The following SLC9A3 variants were observed in gnomAD, a reference collection of about 807,000 sequenced individuals.
The protein encoded by SLC9A3 is sodium/hydrogen exchanger 3.
In SLC9A3, 37 loss-of-function variants were observed where a neutral mutation model predicts 86.8. That is an observed-to-expected ratio of 0.43 (90% confidence interval 0.33 to 0.56). SLC9A3 has a LOEUF of 0.56. Ranked by LOEUF, SLC9A3 falls within the 20% of genes least tolerant of loss-of-function variation. The probability of loss-of-function intolerance (pLI) is 0.06; values close to 1 mark genes in which losing one functional copy is unlikely to be tolerated. For synonymous variants in SLC9A3, 581 were observed against 528.3 expected (o/e 1.10, Z -1.37); for missense variants, 1,011 against 1,171.9 (o/e 0.86, Z 2.00).
Position 524,229 on chromosome 5 carries a change from G to T in SLC9A3, c.94C>A (p.Pro32Thr), listed in dbSNP as rs1165460854. The T allele has an allele frequency of 5.3e-6, 8 of 1,500,784 alleles. No homozygotes were observed. The highest frequency in any genetic ancestry group is 7.1e-6 in the Non-Finnish European group (8 of 1,124,862). The allele number at this position is 1,500,784 out of a possible 1,614,324, so 93.0% of individuals were successfully genotyped here. A position where few individuals can be genotyped will look rare whatever the true frequency, so the allele number is the denominator to read the frequency against. Reference sequence around the variant, plus strand: ...CCGCTCTCGCCGTGCGCGCCGCCGGGCTCCACCTCGACGCCCCCGGCCCGC... The same window carrying T: ...CCGCTCTCGCCGTGCGCGCCGCCGGTCTCCACCTCGACGCCCCCGGCCCGC... The part of the protein sequence containing the change: ...LARAGGVEVE[P>T]GGAHGESGGF... Residue 32 changes from proline (P) to threonine (T), a missense_variant, in exon 1 of 17, where the codon CCC becomes ACC. By Grantham distance (38) the Pro-to-Thr change is conservative (BLOSUM62 -1). Coordinates refer to ENST00000264938, the MANE Select transcript of SLC9A3 (RefSeq NM_004174.4).
chr5:507,163 C>CTTTTTTTTTTTTT (rs1740624902), intron 1 of SLC9A3, among the ~76,000 whole-genome samples: 1 of 34,754 alleles, frequency 2.9e-5, no homozygotes, highest in Non-Finnish European at 5.6e-5. Flanking sequence ...CCGGCTGCTG[C>CTTTTTTTTTTTTT]TTCTTTTTTT....
At chr5:493,753 G>T (rs1315551350) in intron 1 of SLC9A3, among the ~76,000 whole-genome samples, 1 of 118,424 alleles carries the variant, frequency 8.4e-6, no homozygotes, top group African/African-American at 3.3e-5. Context: ...CCTGCTTTCA[G>T]GATGGGAGGT....
intron 2 of SLC9A3, among the ~76,000 whole-genome samples, chr5:488,704 A>G (rs928048478): frequency 1.3e-5 from 2 of 152,240 alleles, no homozygotes; most frequent in South Asian, 2.1e-4. Context: ...ACAGACAGAC[A>G]GACTGACCCT....
chr5:500,729 C>G (rs58744288), intron 1 of SLC9A3, among the ~76,000 whole-genome samples: 9 of 27,932 alleles, frequency 3.2e-4, no homozygotes, highest in African/African-American at 6.2e-4. Flanking sequence ...TGGGTGTGGA[C>G]GGGGCTGGTG....
chr5:498,659 TC>T (rs745988755), intron 1 of SLC9A3, among the ~76,000 whole-genome samples: 100 of 152,290 alleles, frequency 6.6e-4, no homozygotes, highest in African/African-American at 2.3e-3. Context: ...ACCTCGGTCG[TC>T]CACAGTGCTG....
intron 1 of SLC9A3, among the ~76,000 whole-genome samples, chr5:509,999 G>C (rs144548350): frequency 1.3e-5 from 2 of 152,232 alleles, no homozygotes; most frequent in Admixed American, 6.5e-5. Context: ...GGATGGGGGA[G>C]GCTTCGGGAG....
In SLC9A3 at chr5:494,520, T is replaced by C. The variant is rs144258236; in HGVS notation, c.212-2449A>G. ...TTGGGAGTCCTGCTGGGGGTCCCTA[T>C]GGTGCAGGAAGGCCTGGGGCAGGTG... On this transcript the variant is annotated intron_variant, in intron 1 of 16. Transcript: ENST00000264938. Among the ~76,000 whole-genome samples the C allele has an allele frequency of 6.6e-3, 1,004 of 152,266 alleles. 11 individuals carry two copies. The highest frequency in any genetic ancestry group is 0.023 in the African/African-American group (962 of 41,556).
In SLC9A3 at chr5:471,617, G is replaced by T. The variant is rs981373920; in HGVS notation, c.*1762C>A. ...GCTGGCCTTGGATCTGTCCAGTAGG[G>T]TCACTGACTGGGCAGGGCTTGCTGC... On this transcript the variant is annotated 3_prime_UTR_variant, in exon 17 of 17. Coordinates refer to ENST00000264938, the MANE Select transcript of SLC9A3 (RefSeq NM_004174.4). The T allele has an allele frequency of 7.8e-6, 3 of 382,424 alleles. No individual in the cohort carries two copies. Among genetic ancestry groups the T allele is most frequent in the African/African-American group, 6.3e-5 (3 of 47,764 alleles). The allele number at this position is 382,424 out of a possible 1,614,324, so 23.7% of individuals were successfully genotyped here. A position where few individuals can be genotyped will look rare whatever the true frequency, so the allele number is the denominator to read the frequency against.
chr5:481,731 G>GTGC (rs1739179338), intron 8 of SLC9A3, 96 bp from the exon 9 acceptor site: 17 of 1,017,604 alleles, frequency 1.7e-5, no homozygotes, highest in Middle Eastern at 2.5e-4. Context: ...GAACCCACCA[G>GTGC]CCCCCCTCAC....
intron 1 of SLC9A3, among the ~76,000 whole-genome samples, chr5:518,669 G>A (rs1428706435): frequency 6.6e-6 from 1 of 152,206 alleles, no homozygotes; most frequent in African/African-American, 2.4e-5. Context: ...TCCTGGAGAA[G>A]CCGGCAGTGG....
At position 491,986 on chromosome 5, in the gene SLC9A3, G is replaced by A; in HGVS notation, c.297C>T (p.Val99=). The change falls in exon 2 of 17, where the codon GTC becomes GTT. Residue 99 remains valine (V), a synonymous_variant. Transcript: ENST00000264938. The surrounding 1 kb of genome is among the most constrained non-coding windows in gnomAD (Gnocchi z 9.2). ...IVLGLVLGGI[V]WAADHIASFT... ...AGGACGCGATGTGGTCGGCCGCCCA[G>A]ACGATGCCGCCCAGCACCAGGCCCA... 6.2e-7 allele frequency: 1 copy of A among 1,603,392 alleles called. No individual in the cohort carries two copies. Among genetic ancestry groups the A allele is most frequent in the Non-Finnish European group, 8.5e-7 (1 of 1,175,708 alleles).
chr5:509,018 G>A (rs1184411266), intron 1 of SLC9A3, among the ~76,000 whole-genome samples: 1 of 152,120 alleles, frequency 6.6e-6, no homozygotes. Context: ...TGAGGCAGTA[G>A]GATCACTTGA....
At chr5:494,232 C>T (rs560965930) in intron 1 of SLC9A3, among the ~76,000 whole-genome samples, 71 of 152,392 alleles carry the variant, frequency 4.7e-4, no homozygotes, top group African/African-American at 1.7e-3. Context: ...CAGCAGCGCC[C>T]TCCCCAGATC....
intron 1 of SLC9A3, among the ~76,000 whole-genome samples, chr5:510,434 C>T (rs1192472685): frequency 6.6e-6 from 1 of 152,226 alleles, no homozygotes; most frequent in African/African-American, 2.4e-5. Context: ...GGGTGGAGAC[C>T]TCACTGGGCT....
chr5:476,091 C>T lies in SLC9A3; in HGVS notation c.2069G>A (p.Arg690Lys). 3 of 1,613,430 alleles carry T rather than the reference C, an allele frequency of 1.9e-6. No homozygotes were observed. The highest frequency in any genetic ancestry group is 1.7e-6 in the Non-Finnish European group (2 of 1,179,876). Residue 690 changes from arginine to lysine, a missense_variant and splice_region_variant, in exon 14 of 17, where the codon AGA becomes AAA. This residue lies in a region of SLC9A3 where 397 missense variants were observed against 346.3 expected (regional missense o/e 1.15). Coordinates refer to ENST00000264938, the MANE Select transcript of SLC9A3 (RefSeq NM_004174.4). ...LYKRERAQKR[R>K]NSSIPNGKLP... ...CTTCCCATTGGGGATGCTGCTGTTT[C>T]TCTGCGGAGCAAACGTGAAGCTGCT... is the stretch of plus-strand genomic sequence containing the variant.
Position 475,557 on chromosome 5 carries a change from C to G in SLC9A3, c.2251+4G>C, listed in dbSNP as rs764367644. On this transcript the variant is annotated splice_donor_region_variant and intron_variant, in intron 15 of 16. Transcript: ENST00000264938. ...TAGCCACGACGCCTGTGCCCCGTCC[C>G]CACCTGCAGGGGAGTCGGACGCTGT... 3 of 1,529,798 alleles carry G rather than the reference C, an allele frequency of 2.0e-6. No homozygotes were observed. The highest frequency in any genetic ancestry group is 1.8e-6 in the Non-Finnish European group (2 of 1,127,206). The allele number at this position is 1,529,798 out of a possible 1,614,324, so 94.8% of individuals were successfully genotyped here. A position where few individuals can be genotyped will look rare whatever the true frequency, so the allele number is the denominator to read the frequency against.
chr5:486,601 C>A (rs1485754050), intron 3 of SLC9A3, among the ~76,000 whole-genome samples: 1 of 152,198 alleles, frequency 6.6e-6, no homozygotes, highest in Admixed American at 6.5e-5. Flanking sequence ...GTTTCCCTCC[C>A]TTCACCTCTG....
chr5:493,395 T>C (rs112440595), intron 1 of SLC9A3, among the ~76,000 whole-genome samples: 97 of 152,286 alleles, frequency 6.4e-4, no homozygotes, highest in African/African-American at 2.3e-3. Flanking sequence ...GGAGGGGCGG[T>C]GGAGGCAGTG....
chr5:484,587 A>T lies in SLC9A3; in HGVS notation c.865T>A (p.Phe289Ile). The change falls in exon 5 of 17, where the codon TTC (phenylalanine) becomes ATC (isoleucine). Residue 289 changes from phenylalanine to isoleucine, a missense_variant. Around this residue, in one of 3 missense-constraint regions of SLC9A3, gnomAD observed 565 missense variants for 790.0 expected, o/e 0.72. Coordinates refer to ENST00000264938, the MANE Select transcript of SLC9A3 (RefSeq NM_004174.4). Reference sequence around the variant, plus strand: ...GACAGGTAGGAGATGATGAACACGAAGCCGGGCTCGATGATACGCACATGC... The same window carrying T: ...GACAGGTAGGAGATGATGAACACGATGCCGGGCTCGATGATACGCACATGC... ...TKHVRIIEPGFVFIISYLSYL... is the reference protein window; with the variant it reads ...TKHVRIIEPGIVFIISYLSYL... 1 of 1,613,348 alleles carries T rather than the reference A, an allele frequency of 6.2e-7. No homozygotes were observed. Among genetic ancestry groups the T allele is most frequent in the East Asian group, 2.2e-5 (1 of 44,880 alleles).
Sources: allele counts gnomAD v4.1 joint callset (sites outside exome capture counted in the v4.1 genomes callset), GRCh38; gene constraint gnomAD v4.1.1; regional missense constraint gnomAD v4.1.1; non-coding constraint Gnocchi (gnomAD v3.1); transcripts MANE v1.5; gene names NCBI Gene and HGNC (gene_info 2026-07-23, HGNC 2026-07-21).